The following KAZN variants were observed in gnomAD, a reference collection of about 807,000 sequenced individuals.
KAZN encodes kazrin, periplakin interacting protein.
Under a neutral mutation model 87.4 loss-of-function variants are expected in KAZN, and 40 were observed. The observed-to-expected ratio is 0.46, with a 90% CI of 0.36 to 0.60. The LOEUF is 0.60. KAZN is among the 20% of genes least tolerant of loss of function. The probability of loss-of-function intolerance (pLI) is 0.00; values close to 1 mark genes in which losing one functional copy is unlikely to be tolerated. For missense variants in KAZN, 898 were observed against 1,073.9 expected, an observed-to-expected ratio of 0.84 and a Z score of 2.29; for synonymous variants, 466 against 458.3, an observed-to-expected ratio of 1.02 and a Z score of -0.22.
At chr1:14,849,361 A>G (rs56293671) in intron 1 of KAZN, among the ~76,000 whole-genome samples, 29,538 of 152,118 alleles carry the variant, frequency 0.19, 3,662 homozygotes, top group African/African-American at 0.35. Context: ...CTCATCAACA[A>G]TAATAGCAAT....
intron 2 of KAZN, among the ~76,000 whole-genome samples, chr1:14,523,448 G>C (rs915732064): frequency 2.0e-5 from 3 of 152,186 alleles, no homozygotes; most frequent in African/African-American, 7.2e-5. Flanking sequence ...GCCTACCAGA[G>C]ACATGGAAAG....
At chr1:14,774,431 C>T (rs1398744287) in intron 1 of KAZN, among the ~76,000 whole-genome samples, 1 of 151,824 alleles carries the variant, frequency 6.6e-6, no homozygotes, top group African/African-American at 2.4e-5. Flanking sequence ...CCCACACTCA[C>T]CCTCACAATG....
rs181098038 is a variant in KAZN at position 14,111,664 on chromosome 1, G to A, written c.92-68771G>A. Among the ~76,000 whole-genome samples the A allele has an allele frequency of 1.1e-3, 143 of 133,708 alleles. 32 individuals carry two copies. The highest frequency in any genetic ancestry group is 4.0e-3 in the African/African-American group (138 of 34,314). 87.7% of individuals were successfully genotyped at this position (133,708 alleles called of 152,430 possible). On this transcript the variant is annotated intron_variant, in intron 1 of 16. Transcript: ENST00000636203. ...CTGTCTGTGCCCTTACAGAGCAGGG[G>A]CATTGAAAGTCCTGCACACCTGCGT...
At chr1:14,338,377 C>G (rs144946672) in intron 2 of KAZN, among the ~76,000 whole-genome samples, 1 of 150,908 alleles carries the variant, frequency 6.6e-6, no homozygotes, top group Non-Finnish European at 1.5e-5. Flanking sequence ...CCCAGCTACT[C>G]GGGACACTGA....
intron 1 of KAZN, among the ~76,000 whole-genome samples, chr1:14,007,027 T>C (rs1640066746): frequency 6.6e-6 from 1 of 152,212 alleles, no homozygotes; most frequent in Admixed American, 6.5e-5. Flanking sequence ...TTTATTGTTT[T>C]CAGTGTACAG....
intron 2 of KAZN, among the ~76,000 whole-genome samples, chr1:14,986,137 G>C (rs541261386): frequency 2.0e-5 from 3 of 151,880 alleles, no homozygotes; most frequent in Non-Finnish European, 4.4e-5. Flanking sequence ...ATCCTGGATC[G>C]GAGGGGTGAA....
chr1:15,045,008 G>A (rs951975668), intron 4 of KAZN, among the ~76,000 whole-genome samples: 4 of 152,024 alleles, frequency 2.6e-5, no homozygotes, highest in Non-Finnish European at 5.9e-5. Context: ...CAGGAGATGC[G>A]TACCCTTTGT....
intron 2 of KAZN, among the ~76,000 whole-genome samples, chr1:14,347,089 C>T (rs1042869108): frequency 6.6e-6 from 1 of 152,160 alleles, no homozygotes; most frequent in Admixed American, 6.5e-5. Flanking sequence ...TTTGTTTCTG[C>T]CTGCCTAGCA....
chr1:14,917,236 TA>T (rs1258987770), intron 1 of KAZN, among the ~76,000 whole-genome samples: 1 of 152,180 alleles, frequency 6.6e-6, no homozygotes, highest in Non-Finnish European at 1.5e-5. Context: ...GGCAAAGGTC[TA>T]AATAGGTTTG....
intron 2 of KAZN, among the ~76,000 whole-genome samples, chr1:14,214,196 GA>G (rs1458804192): frequency 1.3e-5 from 2 of 151,398 alleles, no homozygotes; most frequent in Non-Finnish European, 2.9e-5. Context: ...AGTAGAAGAA[GA>G]AATGATCCAA....
chr1:14,476,711 C>T (rs77964538), intron 2 of KAZN, among the ~76,000 whole-genome samples: 6,671 of 152,198 alleles, frequency 0.044, 369 homozygotes, highest in African/African-American at 0.12. Flanking sequence ...TGCTGTCATC[C>T]CCCTCGTAGA....
At chr1:15,100,306 G>C (rs539289755) in intron 10 of KAZN, among the ~76,000 whole-genome samples, 3 of 152,268 alleles carry the variant, frequency 2.0e-5, no homozygotes. Context: ...AGGAAGGACA[G>C]GGAGGACCCA....
chr1:14,254,720 A>T (rs562300036), intron 2 of KAZN, among the ~76,000 whole-genome samples: 2 of 152,152 alleles, frequency 1.3e-5, no homozygotes, highest in South Asian at 4.1e-4. Context: ...ATTTAAAAAA[A>T]AAAAGGTTTA....
intron 2 of KAZN, among the ~76,000 whole-genome samples, chr1:14,436,480 G>C (rs1228839815): frequency 2.0e-5 from 3 of 151,866 alleles, no homozygotes; most frequent in African/African-American, 7.3e-5. Flanking sequence ...TACTTTGAGA[G>C]GCCGAGGCAG....
chr1:14,171,001 C>T (rs561939631), intron 1 of KAZN, among the ~76,000 whole-genome samples: 48 of 152,262 alleles, frequency 3.2e-4, no homozygotes, highest in African/African-American at 8.4e-4. Flanking sequence ...TGTGAGCCAC[C>T]GCTCCTGGCC....
chr1:13,942,765 T>C (rs1640988266), intron 1 of KAZN, among the ~76,000 whole-genome samples: 2 of 152,072 alleles, frequency 1.3e-5, no homozygotes, highest in Admixed American at 6.5e-5. Flanking sequence ...ATAAAATAGA[T>C]GAGAAGACGG....
rs59249352 is a variant in KAZN at position 15,046,593 on chromosome 1, C to T, written c.726+2434C>T. ...ATAAAGCAGGAGAAGCATTTGGCAC[C>T]GGGCCTGGATTCCTGGACGTGGTAA... On this transcript the variant is annotated intron_variant, in intron 4 of 14. Coordinates refer to ENST00000376030, the MANE Select transcript of KAZN (RefSeq NM_201628.3). Among the ~76,000 whole-genome samples the T allele has an allele frequency of 3.7e-4, 57 of 152,250 alleles. 2 individuals are homozygous for T. The East Asian group carries it at 8.3e-3, about 22-fold the overall frequency.
At chr1:15,006,630 G>A (rs546724561) in intron 2 of KAZN, among the ~76,000 whole-genome samples, 4 of 152,370 alleles carry the variant, frequency 2.6e-5, no homozygotes, top group South Asian at 2.1e-4. Flanking sequence ...CAGGGATACA[G>A]CAGTTGACAA....
intron 1 of KAZN, among the ~76,000 whole-genome samples, chr1:14,035,021 C>A (rs1288152907): frequency 6.6e-6 from 1 of 152,118 alleles, no homozygotes; most frequent in Non-Finnish European, 1.5e-5. Flanking sequence ...TGAGAGGTGA[C>A]AAAAAGGCAG....
Sources: gnomAD v4.1 joint callset for allele counts (sites outside exome capture counted in the v4.1 genomes callset) on GRCh38, gnomAD v4.1.1 for gene constraint, MANE v1.5 for transcripts, NCBI Gene and HGNC (gene_info 2026-07-23, HGNC 2026-07-21) for gene names.